Variants in URI1 observed in about 807,000 individuals in gnomAD.
URI1 encodes the protein URI1 prefoldin like chaperone.
A neutral mutation model predicts 60.2 loss-of-function variants in URI1; 39 were observed. The observed-to-expected ratio is 0.65, with a 90% CI of 0.50 to 0.85. The LOEUF (loss-of-function observed/expected upper bound fraction) is 0.85, where lower values mean the gene tolerates loss of function less well. URI1 is among the 40% of genes least tolerant of loss of function. The pLI, the probability that URI1 is intolerant of heterozygous loss-of-function variation, is 0.00. For synonymous variants in URI1, 251 were observed against 236.8 expected (o/e 1.06, Z -0.55); for missense variants, 691 against 665.9 (o/e 1.04, Z -0.42).
chr19:29,984,193 C>T (rs752805857), intron 2 of URI1, among the ~76,000 whole-genome samples: 7 of 151,986 alleles, frequency 4.6e-5, no homozygotes, highest in East Asian at 1.9e-4. Flanking sequence ...TGGGAGGCTG[C>T]GGTGGGGGGA....
chr19:29,944,134 G>GTCAT (rs2055066711), intron 1 of URI1, among the ~76,000 whole-genome samples: 2 of 66,158 alleles, frequency 3.0e-5, no homozygotes, highest in Non-Finnish European at 6.6e-5. Flanking sequence ...GTGAGACCCT[G>GTCAT]TCATTCATAT....
At chr19:29,953,140 C>G (rs1318977656) in intron 1 of URI1, among the ~76,000 whole-genome samples, 4 of 152,174 alleles carry the variant, frequency 2.6e-5, no homozygotes, top group African/African-American at 7.2e-5. Context: ...AATTTATGCT[C>G]TCATTTCACC....
At chr19:29,956,971 G>T in intron 1 of URI1, 1 of 874,662 alleles carries the variant, frequency 1.1e-6, no homozygotes, top group Non-Finnish European at 1.9e-6. Context: ...CAGTCTGATT[G>T]CTGAGAATGG....
intron 4 of URI1, among the ~76,000 whole-genome samples, chr19:30,003,177 T>C (rs758129757): frequency 1.3e-5 from 2 of 152,020 alleles, no homozygotes; most frequent in Non-Finnish European, 2.9e-5. Flanking sequence ...GTTATTTACT[T>C]TGTACAAAAT....
At chr19:29,961,247 C>CTTT (rs764946990) in intron 1 of URI1, among the ~76,000 whole-genome samples, 6 of 128,740 alleles carry the variant, frequency 4.7e-5, no homozygotes, top group African/African-American at 1.7e-4. Flanking sequence ...ATCTCCAGGC[C>CTTT]TTTTTTTTTT....
intron 1 of URI1, among the ~76,000 whole-genome samples, chr19:29,963,337 T>C (rs113526709): frequency 1.3e-5 from 2 of 152,202 alleles, no homozygotes; most frequent in African/African-American, 4.8e-5. Flanking sequence ...GTGTTTTCTT[T>C]TGACCTGTCA....
At chr19:29,930,476 G>C (rs1268394654) in intron 1 of URI1, among the ~76,000 whole-genome samples, 1 of 151,166 alleles carries the variant, frequency 6.6e-6, no homozygotes, top group African/African-American at 2.4e-5. Context: ...TCATTCTTTT[G>C]CATGTGGATA....
intron 7 of URI1, 152 bp from the exon 8 acceptor site, chr19:30,008,853 C>G: frequency 1.5e-6 from 1 of 646,952 alleles, no homozygotes; most frequent in Middle Eastern, 4.2e-4. Context: ...TAATTTATTT[C>G]AAAACATTTT....
At chr19:30,008,874 A>G in intron 7 of URI1, 131 bp from the exon 8 acceptor site, 1 of 776,486 alleles carries the variant, frequency 1.3e-6, no homozygotes, top group Non-Finnish European at 1.9e-6. Flanking sequence ...TTTGTTTTTG[A>G]ACTTAGAATT....
chr19:29,999,609 TTTG>T (rs1424106220), intron 4 of URI1, among the ~76,000 whole-genome samples: 2 of 152,094 alleles, frequency 1.3e-5, no homozygotes, highest in Admixed American at 6.6e-5. Context: ...AGATTCTCTC[TTTG>T]TTGTTGTTCA....
intron 1 of URI1, among the ~76,000 whole-genome samples, chr19:29,926,204 G>A (rs1043556865): frequency 7.3e-5 from 11 of 151,150 alleles, no homozygotes; most frequent in South Asian, 2.1e-4. Flanking sequence ...CCCATTACCC[G>A]AATAAAAATC....
Position 29,998,355 on chromosome 19 carries a change from T to G in URI1, c.368-7006T>G, listed in dbSNP as rs1045168336. Among the ~76,000 whole-genome samples the G allele has an allele frequency of 2.0e-5, 3 of 152,144 alleles. No individual in the cohort carries two copies. The East Asian group carries it at 5.8e-4, about 29-fold the overall frequency. On this transcript the variant is annotated intron_variant, in intron 4 of 10. Coordinates refer to ENST00000392271, the MANE Select transcript of URI1 (RefSeq NM_003796.3). ...ATGTCTATTAGGTCTAATTGGTCTT[T>G]AGTGGTGTTCATGTTCTTTATTTCC...
intron 1 of URI1, among the ~76,000 whole-genome samples, chr19:29,958,450 CTA>C (rs2055278591): frequency 6.6e-6 from 1 of 152,076 alleles, no homozygotes. Flanking sequence ...AATGTATTTT[CTA>C]TGTTTCTTGA....
At chr19:29,987,965 C>G (rs893324667) in intron 4 of URI1, among the ~76,000 whole-genome samples, 1 of 151,882 alleles carries the variant, frequency 6.6e-6, no homozygotes. Context: ...GTCAGGAGTC[C>G]GAGACCAGCC....
In URI1 at chr19:29,989,767, GAGT is replaced by G. The variant is rs552342399; in HGVS notation, c.367+3351_367+3353del. Among the ~76,000 whole-genome samples, 32 of 21,622 alleles carry G rather than the reference GAGT, an allele frequency of 1.5e-3. 1 individual carries two copies. The highest frequency in any genetic ancestry group is 4.2e-3 in the African/African-American group (28 of 6,600). The allele number at this position is 21,622 out of a possible 152,430, so 14.2% of individuals were successfully genotyped here. A position where few individuals can be genotyped will look rare whatever the true frequency, so the allele number is the denominator to read the frequency against. ...GTATATTTTCTTACTGTCGTTTTGA[GAGT>G]TTTTTTTTTTTTAATATATTCTGGA... On this transcript the variant is annotated intron_variant, in intron 4 of 10. Transcript: ENST00000392271.
chr19:29,936,920 T>C (rs7250725), intron 1 of URI1, among the ~76,000 whole-genome samples: 92,689 of 151,962 alleles, frequency 0.61, 30,096 homozygotes, highest in Non-Finnish European at 0.73. Flanking sequence ...GCCTGGCTAA[T>C]TTTTGTATTT....
rs182360055 is a variant in URI1, at chr19:29,956,682, G to A, written c.117+14018G>A. On this transcript the variant is annotated intron_variant, in intron 1 of 10. Coordinates refer to ENST00000392271, the MANE Select transcript of URI1 (RefSeq NM_003796.3). ...CAAGAGACCCATTCTGGATAACGAC[G>A]TTGATGGGGGAAGTGAGCATACACA... The A allele has an allele frequency of 8.4e-6, 13 of 1,544,398 alleles. No individual in the cohort carries two copies. In the Admixed American group the frequency reaches 1.2e-4, roughly 14 times the overall value.
rs190071338 is a variant in URI1 at position 29,991,790 on chromosome 19, T to A, written c.367+5373T>A. ...AAGTTTAGGGAACTTTCTACCTGGTTCTAATTTGCGGATTTTTTAAATGAA... is the reference window on the plus strand; with the variant it reads ...AAGTTTAGGGAACTTTCTACCTGGTACTAATTTGCGGATTTTTTAAATGAA... On this transcript the variant is annotated intron_variant, in intron 4 of 10. Transcript: ENST00000392271. Among the ~76,000 whole-genome samples the A allele has an allele frequency of 6.4e-4, 98 of 152,296 alleles. 2 individuals carry two copies. The highest frequency in any genetic ancestry group is 2.3e-3 in the African/African-American group (95 of 41,588).
chr19:29,970,802 C>T (rs1261584668), intron 1 of URI1, among the ~76,000 whole-genome samples: 4 of 151,810 alleles, frequency 2.6e-5, no homozygotes, highest in Admixed American at 1.3e-4. Context: ...TTTTAACTGA[C>T]GAAACGTGGA....
Sources: allele counts gnomAD v4.1 joint callset (sites outside exome capture counted in the v4.1 genomes callset), GRCh38; gene constraint gnomAD v4.1.1; transcripts MANE v1.5; gene names NCBI Gene and HGNC (gene_info 2026-07-23, HGNC 2026-07-21).